The following PRKG1 variants were observed in gnomAD, a reference collection of about 807,000 sequenced individuals.
PRKG1 encodes protein kinase cGMP-dependent 1, also known as cGMP-dependent protein kinase 1.
Under a neutral mutation model 88.1 loss-of-function variants are expected in PRKG1, and 35 were observed. The ratio of observed to expected loss-of-function variants is 0.40; its 90% CI spans 0.30 to 0.53. The LOEUF (loss-of-function observed/expected upper bound fraction) is 0.53, where lower values mean the gene tolerates loss of function less well. Ranked by LOEUF, PRKG1 falls within the 20% of genes least tolerant of loss-of-function variation. PRKG1 has a pLI of 0.59. For missense variants in PRKG1, 540 were observed against 839.8 expected, an observed-to-expected ratio of 0.64 and a Z score of 4.41; for synonymous variants, 303 against 292.5, an observed-to-expected ratio of 1.04 and a Z score of -0.37.
intron 2 of PRKG1, among the ~76,000 whole-genome samples, chr10:51,185,544 T>G (rs1160726071): frequency 2.0e-5 from 3 of 152,026 alleles, no homozygotes; most frequent in African/African-American, 7.2e-5. Flanking sequence ...ACTTAAAATA[T>G]TTTAAAATTC....
intron 4 of PRKG1, among the ~76,000 whole-genome samples, chr10:51,810,209 G>A (rs1450066710): frequency 6.6e-6 from 1 of 152,158 alleles, no homozygotes; most frequent in Non-Finnish European, 1.5e-5. Context: ...AAAGTTCACA[G>A]ACTTTGAAGA....
intron 2 of PRKG1, among the ~76,000 whole-genome samples, chr10:51,456,654 C>T (rs1839593963): frequency 6.6e-6 from 1 of 151,954 alleles, no homozygotes; most frequent in South Asian, 2.1e-4. Flanking sequence ...ATTTTTTAGA[C>T]AACACAGAGT....
At chr10:51,086,827 C>T (rs896058405) in intron 1 of PRKG1, among the ~76,000 whole-genome samples, 4 of 152,202 alleles carry the variant, frequency 2.6e-5, no homozygotes, top group African/African-American at 7.2e-5. Context: ...GGTGCAGTCA[C>T]TGAAGTCCTG....
chr10:52,220,700 A>G (rs574245226), intron 9 of PRKG1, among the ~76,000 whole-genome samples: 1 of 152,088 alleles, frequency 6.6e-6, no homozygotes, highest in Non-Finnish European at 1.5e-5. Context: ...GAGTTTGCTA[A>G]GGATAATGGC....
chr10:51,318,262 C>T (rs1319642844), intron 2 of PRKG1, among the ~76,000 whole-genome samples: 1 of 152,136 alleles, frequency 6.6e-6, no homozygotes, highest in Non-Finnish European at 1.5e-5. Flanking sequence ...CTTCCAGTCT[C>T]ACTTTCTAAA....
At chr10:51,290,394 CAGG>C (rs1840553774) in intron 2 of PRKG1, among the ~76,000 whole-genome samples, 1 of 152,114 alleles carries the variant, frequency 6.6e-6, no homozygotes. Flanking sequence ...GCCTAGGAGG[CAGG>C]AGGATTACTT....
chr10:52,015,274 C>T (rs1337828018), intron 5 of PRKG1, among the ~76,000 whole-genome samples: 1 of 152,224 alleles, frequency 6.6e-6, no homozygotes, highest in Non-Finnish European at 1.5e-5. Context: ...TCCTGCCTAC[C>T]CATAGACACA....
intron 8 of PRKG1, among the ~76,000 whole-genome samples, chr10:52,151,404 G>A (rs1172569257): frequency 6.6e-6 from 1 of 152,098 alleles, no homozygotes; most frequent in Admixed American, 6.6e-5. Flanking sequence ...TCTTAAAATT[G>A]AGAATTTACA....
chr10:51,613,566 G>T (rs1589131352), intron 3 of PRKG1, among the ~76,000 whole-genome samples: 1 of 151,144 alleles, frequency 6.6e-6, no homozygotes, highest in East Asian at 1.9e-4. Context: ...TTTGGGTTTG[G>T]TTTGTTCTTG....
At chr10:51,898,178 G>T (rs1481795349) in intron 4 of PRKG1, among the ~76,000 whole-genome samples, 1 of 151,962 alleles carries the variant, frequency 6.6e-6, no homozygotes, top group East Asian at 1.9e-4. Context: ...ACCTTTCTCA[G>T]GTTTCTGCTC....
intron 1 of PRKG1, 137 bp downstream of exon 1, chr10:51,075,038 G>C (rs550377785): frequency 7.8e-7 from 1 of 1,282,464 alleles, no homozygotes; most frequent in East Asian, 2.6e-5. Flanking sequence ...ATTTTAACGG[G>C]CACTTCTTGC....
chr10:52,179,090 C>T (rs1838942318), intron 9 of PRKG1, among the ~76,000 whole-genome samples: 1 of 150,290 alleles, frequency 6.7e-6, no homozygotes, highest in Non-Finnish European at 1.5e-5. Flanking sequence ...TTCCTTTCTT[C>T]CTCCCTTGTT....
At chr10:51,423,572 A>C (rs1564488724) in intron 2 of PRKG1, among the ~76,000 whole-genome samples, 1 of 152,180 alleles carries the variant, frequency 6.6e-6, no homozygotes, top group African/African-American at 2.4e-5. Context: ...TTTCAAAGGG[A>C]TTGAATTTAT....
chr10:51,266,365 T>A (rs1335119339), intron 2 of PRKG1, among the ~76,000 whole-genome samples: 1 of 152,162 alleles, frequency 6.6e-6, no homozygotes, highest in African/African-American at 2.4e-5. Context: ...GGTAAGTAGC[T>A]ATTACATTAG....
chr10:52,129,930 G>A (rs902058513), intron 7 of PRKG1, among the ~76,000 whole-genome samples: 3 of 152,064 alleles, frequency 2.0e-5, no homozygotes, highest in African/African-American at 7.2e-5. Context: ...CTACTGTTGT[G>A]GAAAGAACAT....
chr10:51,789,966 C>G (rs546625028), intron 3 of PRKG1, among the ~76,000 whole-genome samples: 48 of 152,070 alleles, frequency 3.2e-4, no homozygotes, highest in African/African-American at 1.2e-3. Flanking sequence ...GGATTACAGG[C>G]ACCCACTGCC....
chr10:51,015,890 A>AAAAAAGAAAAAAAAGAGATAGAG (rs1843051884), intron 1 of PRKG1, among the ~76,000 whole-genome samples: 2 of 152,172 alleles, frequency 1.3e-5, no homozygotes, highest in Non-Finnish European at 2.9e-5. Context: ...TCTGTCTCGA[A>AAAAAAGAAAAAAAAGAGATAGAG]AAAAAGAAAA....
chr10:51,942,742 T>C (rs955272273), intron 5 of PRKG1, among the ~76,000 whole-genome samples: 1 of 151,402 alleles, frequency 6.6e-6, no homozygotes, highest in African/African-American at 2.5e-5. Flanking sequence ...TTCTCAGGTT[T>C]GTCAAAGATC....
intron 2 of PRKG1, among the ~76,000 whole-genome samples, chr10:51,350,841 G>A (rs1035666278): frequency 6.6e-6 from 1 of 152,068 alleles, no homozygotes; most frequent in Non-Finnish European, 1.5e-5. Context: ...AGGTATACGC[G>A]TGCCATGGTG....
Sources: allele counts gnomAD v4.1 joint callset (sites outside exome capture counted in the v4.1 genomes callset), GRCh38; gene constraint gnomAD v4.1.1; transcripts MANE v1.5; gene names NCBI Gene and HGNC (gene_info 2026-07-23, HGNC 2026-07-21).